The following GSTM4 variants were observed in gnomAD, a reference collection of about 807,000 sequenced individuals.
GSTM4 encodes the protein glutathione S-transferase mu 4.
GSTM4 carries 27 observed loss-of-function variants against 30.1 expected under a neutral mutation model. The ratio of observed to expected loss-of-function variants is 0.90; its 90% CI spans 0.66 to 1.24. The LOEUF (loss-of-function observed/expected upper bound fraction) is 1.24, where lower values mean the gene tolerates loss of function less well. GSTM4 is among the 50% of genes most tolerant of loss of function. The pLI is 0.00. For missense variants in GSTM4, 238 were observed against 272.1 expected, an observed-to-expected ratio of 0.87 and a Z score of 0.88; for synonymous variants, 94 against 96.2, an observed-to-expected ratio of 0.98 and a Z score of 0.13.
At chr1:109,659,572 T>C in intron 7 of GSTM4, 3 of 440,304 alleles carry the variant, frequency 6.8e-6, no homozygotes, top group South Asian at 4.7e-5. Context: ...CACGGTGGCA[T>C]TGACGTCGAG....
chr1:109,661,375 C>T lies in GSTM4; in HGVS notation c.*121C>T. On this transcript the variant is annotated 3_prime_UTR_variant, in exon 8 of 8. Transcript: ENST00000369836. ...TCCTCGTTCCTTTCTCCTGTTTATT[C>T]CCATCTTTACCCCCAAGACTTTATT... 1.3e-6 allele frequency: 2 copies of T among 1,561,852 alleles called. No homozygotes were observed. The highest frequency in any genetic ancestry group is 2.3e-5 in the South Asian group (2 of 85,858).
Position 109,661,526 on chromosome 1 carries a change from TC to T in GSTM4, c.*274del. On this transcript the variant is annotated 3_prime_UTR_variant, in exon 8 of 8. Coordinates refer to ENST00000369836, the MANE Select transcript of GSTM4 (RefSeq NM_000850.5). ...CCCTGCACTAAAGCCAGCCTGACCT[TC>T]CTTCCTGTTAGTGGTTGTATCTGCT... The T allele has an allele frequency of 7.5e-7, 1 of 1,331,000 alleles. No homozygotes were observed. The highest frequency in any genetic ancestry group is 9.7e-7 in the Non-Finnish European group (1 of 1,032,944). The allele number at this position is 1,331,000 out of a possible 1,614,324, so 82.4% of individuals were successfully genotyped here. A position where few individuals can be genotyped will look rare whatever the true frequency, so the allele number is the denominator to read the frequency against.
At chr1:109,662,065 G>A (rs1373417666), downstream of GSTM4, among the ~76,000 whole-genome samples, 2 of 152,094 alleles carry the variant, frequency 1.3e-5, no homozygotes, top group East Asian at 1.9e-4. Context: ...GAGCTCAAGC[G>A]ATCCTCTTAC....
chr1:109,662,623 A>G (rs189394396), downstream of GSTM4, among the ~76,000 whole-genome samples: 3 of 152,384 alleles, frequency 2.0e-5, no homozygotes, highest in Non-Finnish European at 1.5e-5. Flanking sequence ...CGAAAAATGA[A>G]TATCCAAATT....
intron 3 of GSTM4, 77 bp downstream of exon 3, chr1:109,657,356 G>A: frequency 6.3e-7 from 1 of 1,583,762 alleles, no homozygotes; most frequent in Non-Finnish European, 8.7e-7. Context: ...CCAGATTAGA[G>A]GTGTTCGGAT....
intron 6 of GSTM4, 24 bp from the exon 7 acceptor site, chr1:109,658,976 C>T (rs767356327): frequency 5.6e-6 from 9 of 1,613,242 alleles, no homozygotes; most frequent in Non-Finnish European, 7.6e-6. Flanking sequence ...AGATTCCAGC[C>T]CACACATTCT....
At chr1:109,660,486 T>G (rs1225014376) in intron 7 of GSTM4, 2 of 154,062 alleles carry the variant, frequency 1.3e-5, no homozygotes, top group African/African-American at 4.8e-5. Flanking sequence ...AAGGAATGAT[T>G]AGAGCCTGGT....
At chr1:109,662,832 A>C (rs1174425112), downstream of GSTM4, among the ~76,000 whole-genome samples, 1 of 152,230 alleles carries the variant, frequency 6.6e-6, no homozygotes, top group African/African-American at 2.4e-5. Flanking sequence ...AACTAGAGCT[A>C]AACATACATC....
In GSTM4 at chr1:109,658,104, C is replaced by T. The variant is rs575961881; in HGVS notation, c.360+232C>T. ...TCAGTTCCTAGACAATAAAGTCATG[C>T]GTTCAGAATTCCCTTCACCTCTGAC... On this transcript the variant is annotated intron_variant, in intron 5 of 7. Transcript: ENST00000369836. 47 of 550,540 alleles carry T rather than the reference C, an allele frequency of 8.5e-5. No individual in the cohort carries two copies. The South Asian group carries it at 1.0e-3, about 12-fold the overall frequency. 34.1% of individuals were successfully genotyped at this position (550,540 alleles called of 1,614,324 possible).
At chr1:109,656,888 T>C (rs778562345) in intron 2 of GSTM4, 101 bp downstream of exon 2, 1 of 1,184,276 alleles carries the variant, frequency 8.4e-7, no homozygotes, top group Non-Finnish European at 1.3e-6. Context: ...CCTCCCCTGC[T>C]GGAGCTGCAG....
At chr1:109,658,616 C>A (rs1412394349) in intron 5 of GSTM4, 198 bp from the exon 6 acceptor site, 1 of 603,360 alleles carries the variant, frequency 1.7e-6, no homozygotes, top group East Asian at 2.8e-5. Flanking sequence ...TTCCTCTCTG[C>A]CTTCCCATCA....
At chr1:109,666,289 C>T (rs950408397), downstream of GSTM4, among the ~76,000 whole-genome samples, 12 of 152,172 alleles carry the variant, frequency 7.9e-5, no homozygotes, top group African/African-American at 2.4e-4. Context: ...AATGTTTCAC[C>T]ATGCTTCCCA....
intron 5 of GSTM4, chr1:109,658,083 T>C (rs1652119612): frequency 8.7e-6 from 5 of 576,310 alleles, no homozygotes; most frequent in Non-Finnish European, 1.5e-5. Context: ...AGCAATTCAG[T>C]TCCTAGACAA....
downstream of GSTM4, among the ~76,000 whole-genome samples, chr1:109,666,972 C>T (rs375760547): frequency 6.6e-6 from 1 of 152,102 alleles, no homozygotes; most frequent in African/African-American, 2.4e-5. Context: ...CTCAGCAGTA[C>T]TGTCATTTTG....
intron 5 of GSTM4, chr1:109,658,431 G>A: frequency 4.0e-6 from 1 of 249,728 alleles, no homozygotes; most frequent in South Asian, 6.5e-5. Flanking sequence ...GTATTATTCT[G>A]CCACTGCACT....
At chr1:109,662,510 C>A (rs184682063), downstream of GSTM4, among the ~76,000 whole-genome samples, 5 of 152,306 alleles carry the variant, frequency 3.3e-5, no homozygotes, top group Admixed American at 2.6e-4. Flanking sequence ...TGATGCCCAG[C>A]AGGGAGAACT....
At chr1:109,657,384 A>G (rs747664601) in intron 3 of GSTM4, 105 bp downstream of exon 3, 2 of 1,492,742 alleles carry the variant, frequency 1.3e-6, no homozygotes, top group Non-Finnish European at 1.9e-6. Context: ...CTTCTGCCCA[A>G]TTCCTCTCAC....
intron 7 of GSTM4, 82 bp downstream of exon 7, chr1:109,659,192 A>G: frequency 6.2e-7 from 1 of 1,614,198 alleles, no homozygotes; most frequent in Non-Finnish European, 8.5e-7. Flanking sequence ...CTGGAGCTAC[A>G]TAAAGAATAA....
At chr1:109,658,597 A>G (rs146549400) in intron 5 of GSTM4, 20 of 574,914 alleles carry the variant, frequency 3.5e-5, no homozygotes, top group African/African-American at 3.2e-4. Flanking sequence ...ATTCAGGGAT[A>G]GTGTTGCATT....
Sources: allele counts gnomAD v4.1 joint callset (sites outside exome capture counted in the v4.1 genomes callset), GRCh38; gene constraint gnomAD v4.1.1; transcripts MANE v1.5; gene names NCBI Gene and HGNC (gene_info 2026-07-23, HGNC 2026-07-21).